The following MAK variants were observed in gnomAD, a reference collection of about 807,000 sequenced individuals.
The protein encoded by MAK is male germ cell associated kinase, also known as serine/threonine-protein kinase MAK.
Under a neutral mutation model 82.6 loss-of-function variants are expected in MAK, and 65 were observed. The observed-to-expected ratio is 0.79, with a 90% CI of 0.64 to 0.97. The LOEUF (loss-of-function observed/expected upper bound fraction) is 0.97. MAK is among the 50% of genes least tolerant of loss of function. The pLI is 0.00. For missense variants in MAK, 703 were observed against 780.2 expected (o/e 0.90, Z 1.18); for synonymous variants, 250 against 274.2 (o/e 0.91, Z 0.87).
At chr6:10,831,280 A>G (rs1562009972) in intron 1 of MAK, among the ~76,000 whole-genome samples, 2 of 152,234 alleles carry the variant, frequency 1.3e-5, no homozygotes, top group African/African-American at 2.4e-5. Context: ...TCTGTGGAAT[A>G]TAAGTACCCC....
intron 6 of MAK, 112 bp downstream of exon 6, chr6:10,808,698 A>G: frequency 9.4e-7 from 1 of 1,062,054 alleles, no homozygotes; most frequent in Non-Finnish European, 1.5e-6. Context: ...ATAAAATTCA[A>G]TTCTGTGTTT....
intron 2 of MAK, among the ~76,000 whole-genome samples, chr6:10,827,273 T>G (rs1054522525): frequency 6.6e-6 from 1 of 152,160 alleles, no homozygotes; most frequent in Non-Finnish European, 1.5e-5. Flanking sequence ...TCGCCTACCC[T>G]CCTCCCCAGA....
intron 14 of MAK, among the ~76,000 whole-genome samples, chr6:10,769,849 T>C (rs1772830169): frequency 6.6e-6 from 1 of 152,220 alleles, no homozygotes; most frequent in Non-Finnish European, 1.5e-5. Context: ...GAGGATTAAA[T>C]GATATAATTC....
At chr6:10,765,559 A>G (rs1158974624) in intron 14 of MAK, among the ~76,000 whole-genome samples, 1 of 150,914 alleles carries the variant, frequency 6.6e-6, no homozygotes, top group African/African-American at 2.5e-5. Flanking sequence ...TCCCGGGTTC[A>G]AGTGATTCTC....
At chr6:10,795,266 A>C (rs144716881) in intron 9 of MAK, among the ~76,000 whole-genome samples, 2,789 of 152,118 alleles carry the variant, frequency 0.018, 50 homozygotes, top group South Asian at 0.03. Context: ...AGCCTGGCCA[A>C]CATGGTCTCC....
At position 10,808,815 on chromosome 6, in the gene MAK, G is replaced by C; in HGVS notation, c.486C>G (p.Thr162=). The part of the protein sequence containing the change: ...SQPPYTDYVS[T]RWYRAPEVLL... Reference sequence around the variant, plus strand: ...GCTGCATAACCCCTACTCACCATCTGGTAGATACATAATCAGTGTATGGTG... The same window carrying C: ...GCTGCATAACCCCTACTCACCATCTCGTAGATACATAATCAGTGTATGGTG... The change falls in exon 6 of 15, where the codon ACC becomes ACG. Residue 162 remains threonine (T), a synonymous_variant. Coordinates refer to ENST00000354489, the MANE Select transcript of MAK (RefSeq NM_001242957.3). 6.2e-7 allele frequency: 1 copy of C among 1,613,810 alleles called. No individual in the cohort carries two copies. Among genetic ancestry groups the C allele is most frequent in the Non-Finnish European group, 8.5e-7 (1 of 1,179,922 alleles).
chr6:10,821,005 G>A (rs893209904), intron 2 of MAK, among the ~76,000 whole-genome samples: 5 of 151,960 alleles, frequency 3.3e-5, no homozygotes, highest in African/African-American at 1.2e-4. Context: ...CTGGAGTGCA[G>A]TGGCCTGATC....
intron 2 of MAK, among the ~76,000 whole-genome samples, chr6:10,825,565 A>T (rs911284861): frequency 2.0e-5 from 3 of 152,040 alleles, no homozygotes; most frequent in African/African-American, 7.2e-5. Context: ...CTGTTTTGAG[A>T]TTTAAATGCA....
intron 5 of MAK, 97 bp downstream of exon 5, chr6:10,813,547 T>C: frequency 1.3e-6 from 1 of 769,776 alleles, no homozygotes; most frequent in South Asian, 1.4e-5. Context: ...TTCATAGTTA[T>C]CCAATATAAC....
chr6:10,821,950 C>G (rs977354363), intron 2 of MAK, among the ~76,000 whole-genome samples: 6 of 150,886 alleles, frequency 4.0e-5, no homozygotes, highest in Non-Finnish European at 7.4e-5. Context: ...GATGGAGACC[C>G]TCCTGGGTAA....
intron 8 of MAK, among the ~76,000 whole-genome samples, chr6:10,798,174 G>A (rs531291921): frequency 7.2e-6 from 1 of 139,612 alleles, no homozygotes; most frequent in African/African-American, 2.8e-5. Flanking sequence ...CTGGAGTGCA[G>A]TGGCACGATC....
At chr6:10,779,641 A>C (rs1773781116) in intron 11 of MAK, 1 of 160,618 alleles carries the variant, frequency 6.2e-6, no homozygotes, top group African/African-American at 2.4e-5. Context: ...CAATTACAAA[A>C]ATAACTATGG....
Position 10,830,547 on chromosome 6 carries a change from C to T in MAK, c.101+1G>A, listed in dbSNP as rs1300819259. 5 of 1,612,598 alleles carry T rather than the reference C, an allele frequency of 3.1e-6. No homozygotes were observed. The highest frequency in any genetic ancestry group is 2.7e-5 in the African/African-American group (2 of 74,852). On this transcript the variant is annotated splice_donor_variant, in intron 2 of 14. Coordinates refer to ENST00000354489, the MANE Select transcript of MAK (RefSeq NM_001242957.3). LOFTEE classifies it high-confidence loss of function. ...GAAGTTGGCAGTGTCACACACAGTA[C>T]CTTTTGATGGCCACCAGCTCCCCGG...
intron 5 of MAK, 38 bp from the exon 6 acceptor site, chr6:10,808,980 AT>A: frequency 6.4e-7 from 1 of 1,552,932 alleles, no homozygotes; most frequent in Non-Finnish European, 8.9e-7. Flanking sequence ...ACAGTAAATC[AT>A]TACGTTTAAA....
intron 14 of MAK, among the ~76,000 whole-genome samples, chr6:10,766,785 C>T (rs1248412464): frequency 1.3e-5 from 2 of 152,034 alleles, no homozygotes; most frequent in Non-Finnish European, 1.5e-5. Flanking sequence ...GCTCTGAGGG[C>T]AAGAAGTGAG....
intron 2 of MAK, 144 bp from the exon 3 acceptor site, chr6:10,819,084 C>T (rs1343173528): frequency 6.1e-6 from 4 of 658,772 alleles, no homozygotes; most frequent in Non-Finnish European, 1.1e-5. Flanking sequence ...AAATCACCTC[C>T]TATACCTCAA....
At chr6:10,803,017 T>C (rs999124470) in intron 7 of MAK, among the ~76,000 whole-genome samples, 1 of 151,798 alleles carries the variant, frequency 6.6e-6, no homozygotes, top group African/African-American at 2.4e-5. Context: ...AAAAACAAGG[T>C]TCAAGACACC....
intron 11 of MAK, among the ~76,000 whole-genome samples, chr6:10,777,012 C>T (rs1443832240): frequency 6.6e-6 from 1 of 151,366 alleles, no homozygotes; most frequent in Admixed American, 6.6e-5. Context: ...CGCACCACTG[C>T]ACTCTAGCCT....
rs898061183 is a variant in MAK at position 10,780,672 on chromosome 6, C to G, written c.1465+3752G>C. ...ATTTCACCATGTTGGCCAGGATGGT[C>G]TCAATCTCTTGATCTCGTGATCCAC... On this transcript the variant is annotated intron_variant, in intron 11 of 14. Coordinates refer to ENST00000354489, the MANE Select transcript of MAK (RefSeq NM_001242957.3). 9.2e-5 allele frequency among the ~76,000 whole-genome samples: 14 copies of G among 152,046 alleles called. No homozygotes were observed. The South Asian group carries it at 1.9e-3, about 20-fold the overall frequency.
Sources: allele counts gnomAD v4.1 joint callset (sites outside exome capture counted in the v4.1 genomes callset), GRCh38; gene constraint gnomAD v4.1.1; transcripts MANE v1.5; gene names NCBI Gene and HGNC (gene_info 2026-07-23, HGNC 2026-07-21).